Variants in USH2A observed in about 807,000 individuals in gnomAD.
USH2A encodes usherin.
A neutral mutation model predicts 538.9 loss-of-function variants in USH2A; 443 were observed. The ratio of observed to expected loss-of-function variants is 0.82; its 90% confidence interval spans 0.76 to 0.89. USH2A has a LOEUF of 0.89. Ranked by LOEUF, USH2A falls within the 40% of genes least tolerant of loss-of-function variation. The probability of loss-of-function intolerance (pLI) is 0.00; values close to 1 mark genes in which losing one functional copy is unlikely to be tolerated. For missense variants in USH2A, 6,633 were observed against 6,324.8 expected, an observed-to-expected ratio of 1.05 and a Z score of -1.65; for synonymous variants, 2,413 against 2,273.5, an observed-to-expected ratio of 1.06 and a Z score of -1.75.
chr1:216,410,306 C>CA (rs369508293), intron 3 of USH2A, among the ~76,000 whole-genome samples: 19 of 151,424 alleles, frequency 1.3e-4, no homozygotes, highest in African/African-American at 3.9e-4. Flanking sequence ...CCTCAAAGAC[C>CA]AAAAAAAACA....
intron 3 of USH2A, among the ~76,000 whole-genome samples, chr1:216,417,684 G>GT (rs1279062258): frequency 1.3e-5 from 2 of 152,084 alleles, no homozygotes; most frequent in Admixed American, 1.3e-4. Flanking sequence ...TGCCGTGATT[G>GT]TAAGTTTTCT....
intron 13 of USH2A, among the ~76,000 whole-genome samples, chr1:216,238,181 C>G: frequency 6.6e-6 from 1 of 152,164 alleles, no homozygotes; most frequent in East Asian, 1.9e-4. Context: ...TAGGGGGAAG[C>G]AGGAGGCACT....
At chr1:215,719,962 C>G (rs1659605007) in intron 61 of USH2A, among the ~76,000 whole-genome samples, 1 of 152,038 alleles carries the variant, frequency 6.6e-6, no homozygotes, top group South Asian at 2.1e-4. Flanking sequence ...GCTTGTGCAA[C>G]TAGAAAGATG....
At chr1:215,846,673 T>A (rs954701160) in intron 44 of USH2A, among the ~76,000 whole-genome samples, 2 of 152,192 alleles carry the variant, frequency 1.3e-5, no homozygotes, top group African/African-American at 4.8e-5. Flanking sequence ...AGAACTTTGA[T>A]ATAACACTTA....
chr1:215,763,157 T>C (rs1661029822), intron 56 of USH2A, among the ~76,000 whole-genome samples: 1 of 152,228 alleles, frequency 6.6e-6, no homozygotes, highest in Non-Finnish European at 1.5e-5. Flanking sequence ...CTTTGTGTCA[T>C]TTTCTGTGTT....
intron 21 of USH2A, among the ~76,000 whole-genome samples, chr1:216,112,932 T>G (rs551894688): frequency 6.6e-6 from 1 of 152,170 alleles, no homozygotes; most frequent in South Asian, 2.1e-4. Context: ...GCATGTGTCC[T>G]TAGGGTAGAA....
At chr1:216,000,357 A>G in intron 33 of USH2A, 46 bp downstream of exon 33, 1 of 1,611,978 alleles carries the variant, frequency 6.2e-7, no homozygotes, top group South Asian at 1.1e-5. Flanking sequence ...ACTCACTGAG[A>G]TTCTTGCATG....
intron 38 of USH2A, among the ~76,000 whole-genome samples, chr1:215,904,198 C>T (rs1665574143): frequency 6.6e-6 from 1 of 151,838 alleles, no homozygotes; most frequent in Admixed American, 6.6e-5. Context: ...AAGTCATTAG[C>T]CCTGAAAAAA....
intron 32 of USH2A, among the ~76,000 whole-genome samples, chr1:216,010,130 C>T (rs1039589016): frequency 6.6e-6 from 1 of 152,162 alleles, no homozygotes; most frequent in African/African-American, 2.4e-5. Flanking sequence ...ACCTCGCCTT[C>T]AAGGTGTACA....
chr1:216,043,386 C>T (rs1342963156), intron 32 of USH2A, among the ~76,000 whole-genome samples: 5 of 151,456 alleles, frequency 3.3e-5, no homozygotes, highest in Non-Finnish European at 7.4e-5. Context: ...ATGAAAGCAA[C>T]AAGGAACATA....
chr1:216,017,174 TTC>T (rs2102497987), intron 32 of USH2A, among the ~76,000 whole-genome samples: 1 of 152,182 alleles, frequency 6.6e-6, no homozygotes, highest in Admixed American at 6.5e-5. Flanking sequence ...CCCTCTTTCC[TTC>T]TCTCTCAGTC....
Position 215,648,205 on chromosome 1 carries a change from A to G in USH2A, c.14582+323T>C, listed in dbSNP as rs1234820774. ...TTATGTTCCAGTGAAGGCTGGTAGA[A>G]GGAATGCTTCCAGATAACCATTAGG... is the stretch of plus-strand genomic sequence containing the variant. On this transcript the variant is annotated intron_variant, in intron 66 of 71. Transcript: ENST00000307340. Among the ~76,000 whole-genome samples, 3 of 152,264 alleles carry G rather than the reference A, an allele frequency of 2.0e-5. No homozygotes were observed. In the East Asian group the frequency reaches 5.8e-4, roughly 29 times the overall value.
intron 32 of USH2A, among the ~76,000 whole-genome samples, chr1:216,018,569 A>G (rs1461636835): frequency 2.0e-5 from 3 of 152,166 alleles, no homozygotes; most frequent in Non-Finnish European, 2.9e-5. Context: ...ACCCAAAGAG[A>G]ATCCAGAGGC....
In USH2A at chr1:215,771,579, C is replaced by CAAAAAA. The variant is rs759067576; in HGVS notation, c.10940-4797_10940-4792dup. Among the ~76,000 whole-genome samples the CAAAAAA allele has an allele frequency of 6.0e-3, 265 of 43,998 alleles. 33 individuals are homozygous for CAAAAAA. The highest frequency in any genetic ancestry group is 6.7e-3 in the Non-Finnish European group (183 of 27,370). 28.9% of individuals were successfully genotyped at this position (43,998 alleles called of 152,430 possible). A position where few individuals can be genotyped will look rare whatever the true frequency, so the allele number is the denominator to read the frequency against. ...TGGGCGACAGAGCGAGACTCCGTCT[C>CAAAAAA]AAAAAAAAAAAAAAAAAAAAAAAAA... On this transcript the variant is annotated intron_variant, in intron 55 of 71. Transcript: ENST00000307340.
rs1254773343 is a variant in USH2A, at chr1:215,993,063, A to G, written c.6762T>C (p.Pro2254=). The G allele has an allele frequency of 1.2e-6, 2 of 1,614,036 alleles. No individual in the cohort carries two copies. The highest frequency in any genetic ancestry group is 3.3e-5 in the Admixed American group (2 of 59,998). ...CAGTCCAGGAGACATTAAAGGAGTC[A>G]GGTGAATATGAGTGGGCTTTGGGGG... ...VPAPKAHSYS[P]DSFNVSWTEP... The change falls in exon 35 of 72, where the codon CCT becomes CCC. Residue 2254 remains proline (P), a synonymous_variant. Transcript: ENST00000307340.
chr1:215,687,557 GA>G (rs1408047760), intron 61 of USH2A, among the ~76,000 whole-genome samples: 3 of 151,922 alleles, frequency 2.0e-5, no homozygotes, highest in Admixed American at 6.6e-5. Flanking sequence ...AACATTGGGG[GA>G]AAAATGGTTT....
chr1:216,311,945 C>A (rs931560824), intron 9 of USH2A, among the ~76,000 whole-genome samples: 1 of 151,992 alleles, frequency 6.6e-6, no homozygotes, highest in African/African-American at 2.4e-5. Context: ...TCTACTAGAT[C>A]AATTAAGGAT....
At chr1:216,280,881 T>G (rs2036761984) in intron 11 of USH2A, among the ~76,000 whole-genome samples, 1 of 152,198 alleles carries the variant, frequency 6.6e-6, no homozygotes, top group South Asian at 2.1e-4. Context: ...AAAATGAGAC[T>G]TGAACTACTG....
At chr1:215,722,840 G>A (rs1659700203) in intron 61 of USH2A, among the ~76,000 whole-genome samples, 1 of 152,148 alleles carries the variant, frequency 6.6e-6, no homozygotes, top group South Asian at 2.1e-4. Flanking sequence ...GATATAGTTA[G>A]GGCACAGATA....
Sources: allele counts gnomAD v4.1 joint callset (sites outside exome capture counted in the v4.1 genomes callset), GRCh38; gene constraint gnomAD v4.1.1; transcripts MANE v1.5; gene names NCBI Gene and HGNC (gene_info 2026-07-23, HGNC 2026-07-21).